SYT1: variants seen among roughly 807,000 people sequenced by gnomAD.
The protein encoded by SYT1 is synaptotagmin 1, also known as synaptotagmin-1.
A neutral mutation model predicts 44.8 loss-of-function variants in SYT1; 8 were observed. The observed-to-expected ratio is 0.18, with a 90% confidence interval of 0.10 to 0.32. The LOEUF (loss-of-function observed/expected upper bound fraction) is 0.32. Ranked by LOEUF, SYT1 falls within the 10% of genes least tolerant of loss-of-function variation. The pLI, the probability that SYT1 is intolerant of heterozygous loss-of-function variation, is 1.00. For synonymous variants in SYT1, 154 were observed against 188.8 expected, an observed-to-expected ratio of 0.82 and a Z score of 1.51; for missense variants, 286 against 509.3, an observed-to-expected ratio of 0.56 and a Z score of 4.22.
chr12:79,106,751 G>A (rs1219446511), intron 3 of SYT1, among the ~76,000 whole-genome samples: 1 of 151,748 alleles, frequency 6.6e-6, no homozygotes, highest in East Asian at 1.9e-4. Flanking sequence ...TAAAGGTGAT[G>A]AAATTGTTTC....
intron 1 of SYT1, among the ~76,000 whole-genome samples, chr12:78,895,768 T>C (rs1875326639): frequency 6.6e-6 from 1 of 151,848 alleles, no homozygotes; most frequent in Non-Finnish European, 1.5e-5. Flanking sequence ...ATTTCAAGTT[T>C]TAGTCCATAT....
intron 1 of SYT1, among the ~76,000 whole-genome samples, chr12:78,928,576 CT>C (rs2137190166): frequency 6.6e-6 from 1 of 152,120 alleles, no homozygotes; most frequent in Non-Finnish European, 1.5e-5. Flanking sequence ...TACTATTGTG[CT>C]TTGGGGTTAT....
chr12:79,447,035 G>A (rs2136208181), intron 10 of SYT1, among the ~76,000 whole-genome samples: 1 of 152,282 alleles, frequency 6.6e-6, no homozygotes, highest in South Asian at 2.1e-4. Flanking sequence ...TATATTGAAA[G>A]TGAAGCACAT....
At chr12:78,894,861 G>C (rs906120221) in intron 1 of SYT1, among the ~76,000 whole-genome samples, 1 of 151,440 alleles carries the variant, frequency 6.6e-6, no homozygotes, top group Non-Finnish European at 1.5e-5. Flanking sequence ...TGATGACTGT[G>C]GTTAATAGCA....
intron 1 of SYT1, among the ~76,000 whole-genome samples, chr12:78,963,272 C>T (rs919802398): frequency 7.2e-5 from 11 of 151,896 alleles, no homozygotes; most frequent in East Asian, 5.8e-4. Flanking sequence ...GCAATGATTT[C>T]GTGAGTCTGA....
At chr12:79,099,545 T>A (rs2138042993) in intron 3 of SYT1, among the ~76,000 whole-genome samples, 1 of 152,236 alleles carries the variant, frequency 6.6e-6, no homozygotes, top group East Asian at 1.9e-4. Flanking sequence ...AATCACAACT[T>A]CTCAGATGGT....
At chr12:79,177,180 A>C in intron 3 of SYT1, among the ~76,000 whole-genome samples, 1 of 99,042 alleles carries the variant, frequency 1.0e-5, no homozygotes, top group South Asian at 4.3e-4. Context: ...ATATCTCCCA[A>C]TGCTATCCCT....
intron 8 of SYT1, among the ~76,000 whole-genome samples, chr12:79,302,476 C>T (rs961103173): frequency 9.2e-5 from 14 of 152,014 alleles, no homozygotes; most frequent in Admixed American, 7.9e-4. Flanking sequence ...ACTATTTTAG[C>T]GACCAAATAA....
chr12:79,089,499 AAAAAAAAAAAAGAAAAG>A (rs1877622994), intron 3 of SYT1, among the ~76,000 whole-genome samples: 1 of 148,034 alleles, frequency 6.8e-6, no homozygotes, highest in African/African-American at 2.5e-5. Flanking sequence ...AGTCAACTGA[AAAAAAAAAAAAGAAAAG>A]AAAAAAAAAA....
At chr12:78,871,180 A>G (rs1184091360) in intron 1 of SYT1, among the ~76,000 whole-genome samples, 2 of 152,064 alleles carry the variant, frequency 1.3e-5, no homozygotes, top group Non-Finnish European at 2.9e-5. Context: ...CTTCATGGTC[A>G]TTATCCCAGA....
chr12:78,872,905 T>G (rs1873893331), intron 1 of SYT1, among the ~76,000 whole-genome samples: 1 of 151,768 alleles, frequency 6.6e-6, no homozygotes, highest in Non-Finnish European at 1.5e-5. Flanking sequence ...AAATTTTGCA[T>G]GTAAAGGGCT....
intron 2 of SYT1, among the ~76,000 whole-genome samples, chr12:79,015,020 A>G (rs1160139541): frequency 6.6e-6 from 1 of 151,594 alleles, no homozygotes; most frequent in Non-Finnish European, 1.5e-5. Context: ...ATGAGAACAC[A>G]TGGACACAGG....
rs184725075 is a variant in SYT1, at chr12:78,953,818, T to C, written c.-216-23981T>C. 9.2e-5 allele frequency among the ~76,000 whole-genome samples: 14 copies of C among 152,194 alleles called. No homozygotes were observed. The East Asian group carries it at 2.7e-3, about 29-fold the overall frequency. ...GAGAGAAGAGAAAGGGAAAAGAAAG[T>C]GCATCAGATTTTTTATTGTTATTAG... On this transcript the variant is annotated intron_variant, in intron 1 of 10. Transcript: ENST00000261205.
Position 78,917,220 on chromosome 12 carries a change from G to A in SYT1, c.-217+52111G>A, listed in dbSNP as rs770408928. 4.6e-5 allele frequency among the ~76,000 whole-genome samples: 7 copies of A among 152,010 alleles called. No individual in the cohort carries two copies. The East Asian group carries it at 9.7e-4, about 21-fold the overall frequency. ...ACACAGAACAAATCTTACCCTACAC[G>A]GCAGCCTTTCAAGAATTTGAAGACA... is the stretch of plus-strand genomic sequence containing the variant. On this transcript the variant is annotated intron_variant, in intron 1 of 10. Coordinates refer to ENST00000261205, the MANE Select transcript of SYT1 (RefSeq NM_005639.3).
intron 3 of SYT1, among the ~76,000 whole-genome samples, chr12:79,076,458 G>A (rs1478048295): frequency 6.6e-6 from 1 of 152,060 alleles, no homozygotes; most frequent in Non-Finnish European, 1.5e-5. Context: ...TATTTTATAT[G>A]TTGTTACTCT....
At chr12:78,922,246 T>C (rs1343222431) in intron 1 of SYT1, among the ~76,000 whole-genome samples, 1 of 151,858 alleles carries the variant, frequency 6.6e-6, no homozygotes, top group African/African-American at 2.4e-5. Context: ...TCACAGTGTA[T>C]ACTACCATAT....
Position 79,449,419 on chromosome 12 carries a change from T to A in SYT1, c.*295T>A, listed in dbSNP as rs1025531079. The stretch of plus-strand genomic sequence containing the variant: ...GTTGTATATACCAGTATGCTAAAGA[T>A]TTATTTCTAGTTTGTGTATTTGTAT... On this transcript the variant is annotated 3_prime_UTR_variant, in exon 11 of 11. Coordinates refer to ENST00000261205, the MANE Select transcript of SYT1 (RefSeq NM_005639.3). 9.1e-6 allele frequency: 3 copies of A among 329,222 alleles called. No homozygotes were observed. The highest frequency in any genetic ancestry group is 2.1e-5 in the African/African-American group (1 of 46,892). 20.4% of individuals were successfully genotyped at this position (329,222 alleles called of 1,614,324 possible).
At chr12:79,398,036 GAAAGTTAAC>G (rs942065959) in intron 9 of SYT1, among the ~76,000 whole-genome samples, 4 of 152,308 alleles carry the variant, frequency 2.6e-5, no homozygotes, top group African/African-American at 9.6e-5. Flanking sequence ...GCTTAAAGCT[GAAAGTTAAC>G]CTTCTAATTG....
intron 9 of SYT1, among the ~76,000 whole-genome samples, chr12:79,401,932 G>T (rs1200418653): frequency 6.6e-6 from 1 of 152,128 alleles, no homozygotes; most frequent in Non-Finnish European, 1.5e-5. Context: ...ACCTTCCAAA[G>T]TACTGGGATT....
Sources: gnomAD v4.1 joint callset for allele counts (sites outside exome capture counted in the v4.1 genomes callset) on GRCh38, gnomAD v4.1.1 for gene constraint, MANE v1.5 for transcripts, NCBI Gene and HGNC (gene_info 2026-07-23, HGNC 2026-07-21) for gene names.